The following GRM7 variants were observed in gnomAD, a reference collection of about 807,000 sequenced individuals.
The protein encoded by GRM7 is metabotropic glutamate receptor 7.
GRM7 carries 35 observed loss-of-function variants against 84.5 expected under a neutral mutation model. The ratio of observed to expected loss-of-function variants is 0.41; its 90% CI spans 0.32 to 0.55. GRM7 has a LOEUF of 0.55. Ranked by LOEUF, GRM7 falls within the 20% of genes least tolerant of loss-of-function variation. The probability of loss-of-function intolerance (pLI) is 0.19; values close to 1 mark genes in which losing one functional copy is unlikely to be tolerated. For missense variants in GRM7, 1,003 were observed against 1,194.6 expected (o/e 0.84, Z 2.36); for synonymous variants, 487 against 455.1 (o/e 1.07, Z -0.89).
chr3:7,285,961 A>G (rs897809470), intron 2 of GRM7, among the ~76,000 whole-genome samples: 1 of 152,188 alleles, frequency 6.6e-6, no homozygotes, highest in African/African-American at 2.4e-5. Context: ...CACACCACAT[A>G]TGAATATAGC....
chr3:7,410,193 G>C (rs1302195192), intron 4 of GRM7, among the ~76,000 whole-genome samples: 1 of 152,122 alleles, frequency 6.6e-6, no homozygotes, highest in Non-Finnish European at 1.5e-5. Context: ...TTGGGGTTCG[G>C]TGTTACTAGA....
At chr3:6,971,173 C>CA (rs3063446) in intron 1 of GRM7, among the ~76,000 whole-genome samples, 12,721 of 134,186 alleles carry the variant, frequency 0.095, 1,051 homozygotes, top group African/African-American at 0.24. Context: ...GATGATTCCA[C>CA]AAAAAAAAAA....
chr3:7,286,618 G>T (rs896537542), intron 2 of GRM7, among the ~76,000 whole-genome samples: 48 of 152,066 alleles, frequency 3.2e-4, no homozygotes, highest in African/African-American at 1.1e-3. Flanking sequence ...CTTTCTTTCT[G>T]AATTTTTTTG....
rs35770215 is a variant in GRM7, at chr3:7,108,493, A to ATT, written c.520-37945_520-37944dup. Among the ~76,000 whole-genome samples the ATT allele has an allele frequency of 6.8e-3, 951 of 139,990 alleles. 9 individuals carry two copies. The highest frequency in any genetic ancestry group is 0.019 in the African/African-American group (720 of 38,190). 91.8% of individuals were successfully genotyped at this position (139,990 alleles called of 152,430 possible). On this transcript the variant is annotated intron_variant, in intron 1 of 9. Coordinates refer to ENST00000357716, the MANE Select transcript of GRM7 (RefSeq NM_000844.4). ...ACTTTACAGTACCTTGGACTCAACC[A>ATT]TTTTTTTTTTTTTTTGCTGCTTTTC... is the stretch of plus-strand genomic sequence containing the variant.
chr3:7,591,115 A>C (rs1695761039), intron 8 of GRM7, among the ~76,000 whole-genome samples: 1 of 152,202 alleles, frequency 6.6e-6, no homozygotes, highest in Admixed American at 6.5e-5. Context: ...GTCTGTGAAA[A>C]TAAGAAAGTA....
At chr3:7,690,278 G>T (rs576564528) in intron 9 of GRM7, among the ~76,000 whole-genome samples, 59 of 152,232 alleles carry the variant, frequency 3.9e-4, no homozygotes, top group African/African-American at 1.4e-3. Flanking sequence ...ACTAGGCTGT[G>T]AGAAAATGTG....
At chr3:7,582,251 A>G (rs1020326922) in intron 8 of GRM7, among the ~76,000 whole-genome samples, 3 of 152,250 alleles carry the variant, frequency 2.0e-5, no homozygotes, top group African/African-American at 7.2e-5. Context: ...ATCTAGGAAA[A>G]GAAGTATGCC....
rs555969675 is a variant in GRM7, at chr3:7,215,853, C to T, written c.736+69185C>T. On this transcript the variant is annotated intron_variant, in intron 2 of 9. Coordinates refer to ENST00000357716, the MANE Select transcript of GRM7 (RefSeq NM_000844.4). The stretch of plus-strand genomic sequence containing the variant: ...CTCTTAGTCACTATCTTCAACACAA[C>T]GTCTTAGAAAATTGGACAAAACTCA... 6.6e-4 allele frequency among the ~76,000 whole-genome samples: 101 copies of T among 152,078 alleles called. 1 individual carries two copies. Among genetic ancestry groups the T allele is most frequent in the Non-Finnish European group, 7.4e-4 (50 of 68,020 alleles).
intron 1 of GRM7, among the ~76,000 whole-genome samples, chr3:7,103,749 C>CCTTTCTTTCTTTCTTTCTTT (rs55840104): frequency 1.0e-5 from 1 of 96,662 alleles, no homozygotes; most frequent in Non-Finnish European, 2.0e-5. Flanking sequence ...TCTCTCTCTC[C>CCTTTCTTTCTTTCTTTCTTT]CTTTCTTTCT....
chr3:7,534,880 A>G (rs1482799942), intron 7 of GRM7, among the ~76,000 whole-genome samples: 1 of 152,188 alleles, frequency 6.6e-6, no homozygotes, highest in Non-Finnish European at 1.5e-5. Context: ...GCATTTTCTT[A>G]TATAATGGGA....
intron 2 of GRM7, among the ~76,000 whole-genome samples, chr3:7,195,949 A>G (rs1238743891): frequency 6.6e-6 from 1 of 152,180 alleles, no homozygotes; most frequent in Non-Finnish European, 1.5e-5. Context: ...ATGTGTGGAT[A>G]TAAAGATAAA....
At chr3:7,252,812 C>T (rs1698047662) in intron 2 of GRM7, among the ~76,000 whole-genome samples, 1 of 151,308 alleles carries the variant, frequency 6.6e-6, no homozygotes, top group African/African-American at 2.4e-5. Context: ...CCTCAGCCTC[C>T]AGAGTAGCTG....
intron 7 of GRM7, among the ~76,000 whole-genome samples, chr3:7,493,010 G>T (rs1699577749): frequency 6.6e-6 from 1 of 151,762 alleles, no homozygotes; most frequent in Admixed American, 6.6e-5. Flanking sequence ...TGATTTTTCT[G>T]TTTGATTTCA....
At chr3:7,617,726 T>C (rs147539484) in intron 8 of GRM7, among the ~76,000 whole-genome samples, 1 of 152,212 alleles carries the variant, frequency 6.6e-6, no homozygotes, top group Non-Finnish European at 1.5e-5. Context: ...ACAGCGCAAG[T>C]ATCAAGACAT....
At chr3:6,932,570 A>G (rs935534916) in intron 1 of GRM7, among the ~76,000 whole-genome samples, 2 of 152,128 alleles carry the variant, frequency 1.3e-5, no homozygotes, top group Admixed American at 1.3e-4. Context: ...CTAGCAAGGG[A>G]TATTTAAAAT....
intron 8 of GRM7, among the ~76,000 whole-genome samples, chr3:7,667,260 CCTGT>C (rs1163008260): frequency 2.5e-5 from 3 of 120,774 alleles, no homozygotes; most frequent in African/African-American, 9.9e-5. Context: ...AGAGTGAGAC[CCTGT>C]CTGTTAAAAA....
chr3:7,468,609 G>T (rs1310837623), intron 7 of GRM7, among the ~76,000 whole-genome samples: 1 of 152,118 alleles, frequency 6.6e-6, no homozygotes. Flanking sequence ...GATATGGTTT[G>T]CCTGTGCCCC....
At chr3:7,682,656 G>C (rs955654048) in intron 9 of GRM7, among the ~76,000 whole-genome samples, 14 of 151,978 alleles carry the variant, frequency 9.2e-5, no homozygotes, top group Non-Finnish European at 2.1e-4. Context: ...GAAATTAGAA[G>C]TTTTGAGTTT....
chr3:7,323,846 A>T (rs766006790), intron 4 of GRM7, among the ~76,000 whole-genome samples: 1 of 152,184 alleles, frequency 6.6e-6, no homozygotes, highest in Non-Finnish European at 1.5e-5. Flanking sequence ...TAATCTTGAA[A>T]GTAAGAACTA....
Sources: allele counts gnomAD v4.1 joint callset (sites outside exome capture counted in the v4.1 genomes callset), GRCh38; gene constraint gnomAD v4.1.1; transcripts MANE v1.5; gene names NCBI Gene and HGNC (gene_info 2026-07-23, HGNC 2026-07-21).